The following ALCAM variants were observed in gnomAD, a reference collection of about 807,000 sequenced individuals.
ALCAM encodes the protein activated leukocyte cell adhesion molecule, also known as CD166 antigen.
ALCAM carries 30 observed loss-of-function variants against 70.9 expected under a neutral mutation model. The observed-to-expected ratio is 0.42, with a 90% CI of 0.32 to 0.57. The LOEUF is 0.57. Among genes scored for constraint, ALCAM ranks in the 20% least tolerant of loss-of-function variants. The pLI is 0.11. For missense variants in ALCAM, 591 were observed against 695.1 expected (o/e 0.85, Z 1.68); for synonymous variants, 249 against 242.5 (o/e 1.03, Z -0.25).
chr3:105,454,752 T>C (rs1213823404), intron 1 of ALCAM, among the ~76,000 whole-genome samples: 8 of 131,516 alleles, frequency 6.1e-5, no homozygotes, highest in African/African-American at 2.2e-4. Flanking sequence ...CACTGCAACC[T>C]CTACCTTCCG....
At chr3:105,467,253 T>A (rs1456957841) in intron 1 of ALCAM, among the ~76,000 whole-genome samples, 4 of 151,268 alleles carry the variant, frequency 2.6e-5, no homozygotes, top group African/African-American at 7.3e-5. Context: ...GAAATGTTTA[T>A]CTAGTAAGAG....
chr3:105,464,769 G>A (rs1295239328), intron 1 of ALCAM, among the ~76,000 whole-genome samples: 2 of 151,266 alleles, frequency 1.3e-5, no homozygotes, highest in African/African-American at 4.8e-5. Context: ...CAACAGTTTG[G>A]CAGAGGAAAT....
chr3:105,456,154 T>C (rs1937533199), intron 1 of ALCAM, among the ~76,000 whole-genome samples: 2 of 152,182 alleles, frequency 1.3e-5, no homozygotes, highest in South Asian at 2.1e-4. Context: ...CCTGAACTGC[T>C]ACTCTCAGCA....
At chr3:105,452,514 A>T (rs1937453238) in intron 1 of ALCAM, among the ~76,000 whole-genome samples, 1 of 152,142 alleles carries the variant, frequency 6.6e-6, no homozygotes, top group Admixed American at 6.5e-5. Context: ...TTATGATTGT[A>T]AATAGCGCTG....
rs757713989 is a variant in ALCAM, at chr3:105,552,541, C to T, written c.1620C>T (p.Ala540=). Residue 540 remains alanine (A), a synonymous_variant, in exon 14 of 16, where the codon GCC becomes GCT. Coordinates refer to ENST00000306107, the MANE Select transcript of ALCAM (RefSeq NM_001627.4). ...VGIVVGLLLA[A]LVAGVVYWLY... ...TCGTTGTTGGTCTCCTCCTTGCTGC[C>T]CTTGTTGCTGGTGTCGTCTACTGGC... 6.2e-7 allele frequency: 1 copy of T among 1,611,630 alleles called. No homozygotes were observed. The highest frequency in any genetic ancestry group is 1.3e-5 in the African/African-American group (1 of 74,810).
chr3:105,391,664 T>A (rs1318593523), intron 1 of ALCAM, among the ~76,000 whole-genome samples: 1 of 151,974 alleles, frequency 6.6e-6, no homozygotes, highest in Non-Finnish European at 1.5e-5. Flanking sequence ...TTATATTGTG[T>A]CGGTTTTCAA....
At chr3:105,443,395 G>A (rs1937221478) in intron 1 of ALCAM, among the ~76,000 whole-genome samples, 1 of 152,138 alleles carries the variant, frequency 6.6e-6, no homozygotes, top group African/African-American at 2.4e-5. Context: ...AAGGCGCAGT[G>A]TGTCTGACTG....
At chr3:105,423,530 A>G (rs1936720363) in intron 1 of ALCAM, among the ~76,000 whole-genome samples, 1 of 149,462 alleles carries the variant, frequency 6.7e-6, no homozygotes, top group Admixed American at 6.7e-5. Flanking sequence ...TCATATAATC[A>G]GGTCTTCCTG....
chr3:105,532,915 A>G (rs1939875322), intron 4 of ALCAM, among the ~76,000 whole-genome samples: 1 of 152,182 alleles, frequency 6.6e-6, no homozygotes, highest in South Asian at 2.1e-4. Context: ...GTGAGATCAG[A>G]TTCGAACAAC....
intron 1 of ALCAM, among the ~76,000 whole-genome samples, chr3:105,449,299 C>G (rs918180029): frequency 6.6e-6 from 1 of 152,110 alleles, no homozygotes; most frequent in Non-Finnish European, 1.5e-5. Flanking sequence ...AATTTTTTCA[C>G]AGTTTTGTGA....
intron 1 of ALCAM, among the ~76,000 whole-genome samples, chr3:105,401,058 G>A (rs1019935041): frequency 3.3e-5 from 5 of 152,162 alleles, no homozygotes; most frequent in African/African-American, 1.2e-4. Context: ...ACAAACTCTG[G>A]ACAATCAGAA....
Position 105,367,399 on chromosome 3 carries a change from G to T in ALCAM, c.-10G>T. 3 of 1,613,742 alleles carry T rather than the reference G, an allele frequency of 1.9e-6. No homozygotes were observed. The highest frequency in any genetic ancestry group is 2.5e-6 in the Non-Finnish European group (3 of 1,179,756). ...ACTCCGTCAGTGGCCCACCAAGAAGGAGGAGGAATATGGAATCCAAGGGGG... is the reference window on the plus strand; with the variant it reads ...ACTCCGTCAGTGGCCCACCAAGAAGTAGGAGGAATATGGAATCCAAGGGGG... On this transcript the variant is annotated 5_prime_UTR_variant, in exon 1 of 16. Transcript: ENST00000306107.
At chr3:105,372,733 G>A (rs1298936876) in intron 1 of ALCAM, among the ~76,000 whole-genome samples, 1 of 152,104 alleles carries the variant, frequency 6.6e-6, no homozygotes, top group Non-Finnish European at 1.5e-5. Context: ...TTAGACAGCT[G>A]TCCAGCTTCT....
chr3:105,517,068 A>T (rs966030371), intron 1 of ALCAM, among the ~76,000 whole-genome samples: 1 of 152,094 alleles, frequency 6.6e-6, no homozygotes, highest in African/African-American at 2.4e-5. Flanking sequence ...CTGGCACTTC[A>T]TCTCAAAGAT....
chr3:105,537,435 C>T (rs1285535648), intron 6 of ALCAM, among the ~76,000 whole-genome samples: 1 of 152,048 alleles, frequency 6.6e-6, no homozygotes, highest in Non-Finnish European at 1.5e-5. Flanking sequence ...TCAGTGACTC[C>T]CCAGAGCTCT....
chr3:105,425,579 G>A (rs192298581), intron 1 of ALCAM, among the ~76,000 whole-genome samples: 5 of 151,890 alleles, frequency 3.3e-5, no homozygotes, highest in African/African-American at 1.2e-4. Flanking sequence ...ACAGATGAAA[G>A]CATGCACAGA....
rs745933545 is a variant in ALCAM, at chr3:105,367,439, C to G, written c.31C>G (p.Leu11Val). 5.6e-6 allele frequency: 9 copies of G among 1,614,050 alleles called. No homozygotes were observed. The South Asian group carries it at 6.6e-5, about 12-fold the overall frequency. ...ATCCAAGGGGGCCAGTTCCTGCCGTCTGCTCTTCTGCCTCTTGATCTCCGC... is the reference window on the plus strand; with the variant it reads ...ATCCAAGGGGGCCAGTTCCTGCCGTGTGCTCTTCTGCCTCTTGATCTCCGC... MESKGASSCR[L>V]LFCLLISATV... Residue 11 changes from leucine (L) to valine (V), a missense_variant, in exon 1 of 16, where the codon CTG becomes GTG. Around this residue, in one of 2 missense-constraint regions of ALCAM, gnomAD observed 427 missense variants for 450.4 expected, o/e 0.95. Coordinates refer to ENST00000306107, the MANE Select transcript of ALCAM (RefSeq NM_001627.4).
chr3:105,429,819 T>G (rs1178616138), intron 1 of ALCAM, among the ~76,000 whole-genome samples: 1 of 152,042 alleles, frequency 6.6e-6, no homozygotes, highest in African/African-American at 2.4e-5. Context: ...GATAGTACTG[T>G]TTTATTATTG....
At chr3:105,523,289 A>G (rs543120994) in intron 2 of ALCAM, among the ~76,000 whole-genome samples, 1 of 152,260 alleles carries the variant, frequency 6.6e-6, no homozygotes, top group East Asian at 1.9e-4. Flanking sequence ...TGAAGGAATG[A>G]CTTAAGAAGA....
Sources: gnomAD v4.1 joint callset for allele counts (sites outside exome capture counted in the v4.1 genomes callset) on GRCh38, gnomAD v4.1.1 for gene constraint, gnomAD v4.1.1 regional missense constraint, MANE v1.5 for transcripts, NCBI Gene and HGNC (gene_info 2026-07-23, HGNC 2026-07-21) for gene names.